Variants in DOCK5 observed in about 807,000 individuals in gnomAD.
DOCK5 encodes the protein dedicator of cytokinesis protein 5.
A neutral mutation model predicts 251.8 loss-of-function variants in DOCK5; 142 were observed. That is an observed-to-expected ratio of 0.56 (90% CI 0.49 to 0.65). DOCK5 has a LOEUF of 0.65. Among genes scored for constraint, DOCK5 ranks in the 30% least tolerant of loss-of-function variants. The pLI is 0.00. For synonymous variants in DOCK5, 842 were observed against 835.5 expected (o/e 1.01, Z -0.13); for missense variants, 2,111 against 2,312.3 (o/e 0.91, Z 1.79).
Position 25,345,716 on chromosome 8 carries a change from G to T in DOCK5, c.2754+105G>T, listed in dbSNP as rs964467309. The T allele has an allele frequency of 4.7e-6, 7 of 1,487,900 alleles. No homozygotes were observed. The Admixed American group carries it at 5.4e-5, about 11-fold the overall frequency. The allele number at this position is 1,487,900 out of a possible 1,614,324, so 92.2% of individuals were successfully genotyped here. On this transcript the variant is annotated intron_variant, in intron 26 of 51. Transcript: ENST00000276440. ...CTATTCTCAGGTAGTTTCCAGCTCC[G>T]GTATTAGGGCAGGCTGTGCCCATTT...
chr8:25,354,850 T>C (rs1482045516), intron 27 of DOCK5, among the ~76,000 whole-genome samples: 5 of 152,324 alleles, frequency 3.3e-5, no homozygotes, highest in African/African-American at 1.2e-4. Context: ...TGATTATTGT[T>C]ACATTTTTTC....
At chr8:25,187,710 C>G (rs571156784) in intron 1 of DOCK5, among the ~76,000 whole-genome samples, 4 of 152,148 alleles carry the variant, frequency 2.6e-5, no homozygotes, top group Non-Finnish European at 5.9e-5. Context: ...CATTATCTCT[C>G]GAGGCTTCTT....
At chr8:25,316,453 C>T (rs1043359160) in intron 13 of DOCK5, among the ~76,000 whole-genome samples, 5 of 152,270 alleles carry the variant, frequency 3.3e-5, no homozygotes, top group Admixed American at 2.0e-4. Flanking sequence ...TGCACTCCAG[C>T]CTGGGCAACA....
At chr8:25,299,326 A>G (rs191058667) in intron 8 of DOCK5, 2 of 484,892 alleles carry the variant, frequency 4.1e-6, no homozygotes, top group South Asian at 3.3e-5. Context: ...GAGATCACAT[A>G]AAACTCATTA....
At chr8:25,281,609 A>G (rs1019375591) in intron 5 of DOCK5, among the ~76,000 whole-genome samples, 1 of 151,274 alleles carries the variant, frequency 6.6e-6, no homozygotes, top group African/African-American at 2.4e-5. Context: ...GGCCAGGCGC[A>G]GTGGTTCACG....
chr8:25,311,755 C>T (rs974467650), intron 13 of DOCK5, among the ~76,000 whole-genome samples: 9 of 150,908 alleles, frequency 6.0e-5, no homozygotes, highest in Admixed American at 2.6e-4. Flanking sequence ...AACCCTGTCT[C>T]TATCAAAAAT....
At chr8:25,359,735 C>T (rs1385172541) in intron 28 of DOCK5, among the ~76,000 whole-genome samples, 2 of 152,244 alleles carry the variant, frequency 1.3e-5, no homozygotes, top group Non-Finnish European at 2.9e-5. Flanking sequence ...TTCCTGCCCC[C>T]ATCCGTGGAA....
At chr8:25,273,722 C>T (rs2117122409) in intron 3 of DOCK5, among the ~76,000 whole-genome samples, 1 of 152,320 alleles carries the variant, frequency 6.6e-6, no homozygotes, top group South Asian at 2.1e-4. Flanking sequence ...AATTCCATGG[C>T]CAAACTCACC....
In DOCK5 at chr8:25,376,238, A is replaced by G. The variant is rs1023957257; in HGVS notation, c.3817-1067A>G. 10 of 985,256 alleles carry G rather than the reference A, an allele frequency of 1.0e-5. No homozygotes were observed. The African/African-American group carries it at 1.2e-4, about 12-fold the overall frequency. 61.0% of individuals were successfully genotyped at this position (985,256 alleles called of 1,614,324 possible). ...GTAGGTCTTTTCATTTGGGAAACTC[A>G]GGAAGGTAAACTCTCCTATCCTGGT... is the stretch of plus-strand genomic sequence containing the variant. On this transcript the variant is annotated intron_variant, in intron 37 of 51. Coordinates refer to ENST00000276440, the MANE Select transcript of DOCK5 (RefSeq NM_024940.8).
chr8:25,243,564 C>T, intron 1 of DOCK5, 110 bp from the exon 2 acceptor site: 1 of 977,206 alleles, frequency 1.0e-6, no homozygotes, highest in Non-Finnish European at 1.5e-6. Context: ...CTCCTGACCT[C>T]ATGATCCACC....
intron 2 of DOCK5, among the ~76,000 whole-genome samples, chr8:25,260,629 ATTTAGTTATT>A (rs1803552838): frequency 1.3e-5 from 2 of 152,104 alleles, no homozygotes; most frequent in South Asian, 4.2e-4. Context: ...GCCCTTTTGT[ATTTAGTTATT>A]TGTTTACAGA....
At position 25,336,011 on chromosome 8, in the gene DOCK5, G is replaced by T. The variant is rs556651951; in HGVS notation, c.2193-228G>T. Among the ~76,000 whole-genome samples, 8 of 152,324 alleles carry T rather than the reference G, an allele frequency of 5.3e-5. No individual in the cohort carries two copies. In the East Asian group the frequency reaches 1.5e-3, roughly 29 times the overall value. ...TCCGGTTTAATCCCACAAAGGGAAA[G>T]AAACCTTTTCTAGTATTTCTCAGCA... is the stretch of plus-strand genomic sequence containing the variant. On this transcript the variant is annotated intron_variant, in intron 21 of 51. Transcript: ENST00000276440.
intron 37 of DOCK5, 34 bp downstream of exon 37, chr8:25,374,688 G>C: frequency 6.2e-7 from 1 of 1,613,632 alleles, no homozygotes; most frequent in Non-Finnish European, 8.5e-7. Context: ...TCAACAGGGT[G>C]GAGTACAGTG....
chr8:25,214,946 C>A (rs1417268305), intron 1 of DOCK5, among the ~76,000 whole-genome samples: 2 of 152,190 alleles, frequency 1.3e-5, no homozygotes, highest in Non-Finnish European at 2.9e-5. Context: ...CTCTTGCCAG[C>A]AGAGGCTAGG....
chr8:25,409,922 G>A (rs879174996), intron 50 of DOCK5, 177 bp from the exon 51 acceptor site: 53 of 554,590 alleles, frequency 9.6e-5, no homozygotes, highest in South Asian at 9.1e-4. Flanking sequence ...TGGCGAGGGC[G>A]TCACCTGTGT....
intron 47 of DOCK5, among the ~76,000 whole-genome samples, chr8:25,401,546 A>C (rs921933490): frequency 6.6e-6 from 1 of 152,166 alleles, no homozygotes; most frequent in Non-Finnish European, 1.5e-5. Flanking sequence ...CAGCCTGGCC[A>C]ACATGGTGAA....
intron 16 of DOCK5, among the ~76,000 whole-genome samples, chr8:25,323,241 T>C (rs1287341371): frequency 1.3e-5 from 2 of 152,218 alleles, no homozygotes; most frequent in African/African-American, 4.8e-5. Flanking sequence ...GGAGCTGGTA[T>C]TCTGGGGAGG....
intron 45 of DOCK5, among the ~76,000 whole-genome samples, chr8:25,396,212 T>G (rs956139081): frequency 6.6e-6 from 1 of 152,160 alleles, no homozygotes; most frequent in African/African-American, 2.4e-5. Context: ...AAACCGCGTC[T>G]CTACTAAAAA....
chr8:25,321,117 T>C (rs1805414406), intron 16 of DOCK5, 65 bp downstream of exon 16: 1 of 1,372,680 alleles, frequency 7.3e-7, no homozygotes, highest in Admixed American at 1.9e-5. Context: ...TTGACAGCCA[T>C]CTTGTGAAGC....
Sources: gnomAD v4.1 joint callset for allele counts (sites outside exome capture counted in the v4.1 genomes callset) on GRCh38, gnomAD v4.1.1 for gene constraint, MANE v1.5 for transcripts, NCBI Gene and HGNC (gene_info 2026-07-23, HGNC 2026-07-21) for gene names.